PRTFDC1: variants seen among roughly 807,000 people sequenced by gnomAD.
PRTFDC1 encodes the protein phosphoribosyl transferase domain containing 1.
A neutral mutation model predicts 34.6 loss-of-function variants in PRTFDC1; 38 were observed. That is an observed-to-expected ratio of 1.10 (90% CI 0.85 to 1.44). The LOEUF is 1.44. Ranked by LOEUF, PRTFDC1 falls within the 40% of genes most tolerant of loss-of-function variation. PRTFDC1 has a pLI of 0.00. For synonymous variants in PRTFDC1, 93 were observed against 98.1 expected, an observed-to-expected ratio of 0.95 and a Z score of 0.31; for missense variants, 270 against 283.0, an observed-to-expected ratio of 0.95 and a Z score of 0.33.
intron 3 of PRTFDC1, among the ~76,000 whole-genome samples, chr10:24,895,688 G>GATATAT (rs762084915): frequency 0.048 from 2,279 of 47,120 alleles, 95 homozygotes; most frequent in Non-Finnish European, 0.06. Context: ...AGCTGGGGTG[G>GATATAT]ATATATATAT....
chr10:24,951,386 A>G (rs1022414785), intron 1 of PRTFDC1, among the ~76,000 whole-genome samples: 1 of 152,154 alleles, frequency 6.6e-6, no homozygotes, highest in Admixed American at 6.5e-5. Flanking sequence ...CAGAGCCTAC[A>G]GCACCTCCTA....
chr10:24,871,168 C>T (rs1005158674), intron 4 of PRTFDC1, among the ~76,000 whole-genome samples: 3 of 151,692 alleles, frequency 2.0e-5, no homozygotes, highest in South Asian at 4.2e-4. Flanking sequence ...TTTCCCTACC[C>T]GGGCATTGCA....
intron 3 of PRTFDC1, among the ~76,000 whole-genome samples, chr10:24,887,468 CCCT>C (rs1848189350): frequency 6.6e-6 from 1 of 151,984 alleles, no homozygotes; most frequent in Admixed American, 6.6e-5. Context: ...AGGGCTTCCC[CCCT>C]CTCCCTTCGC....
chr10:24,902,124 G>T (rs550315551), intron 3 of PRTFDC1, among the ~76,000 whole-genome samples: 2 of 152,316 alleles, frequency 1.3e-5, no homozygotes, highest in Non-Finnish European at 2.9e-5. Context: ...GAAACTGATG[G>T]CTCATAGCAA....
At chr10:24,950,334 A>C (rs1255371053) in intron 1 of PRTFDC1, among the ~76,000 whole-genome samples, 1 of 152,072 alleles carries the variant, frequency 6.6e-6, no homozygotes, top group Non-Finnish European at 1.5e-5. Flanking sequence ...TATTTGCATT[A>C]TACTTCCTGG....
intron 4 of PRTFDC1, among the ~76,000 whole-genome samples, chr10:24,867,345 C>T (rs1374500644): frequency 6.6e-6 from 1 of 152,198 alleles, no homozygotes; most frequent in Non-Finnish European, 1.5e-5. Flanking sequence ...AGTGCTCCTG[C>T]AGGCTCCGCC....
intron 3 of PRTFDC1, among the ~76,000 whole-genome samples, chr10:24,897,680 C>T (rs961605842): frequency 6.6e-6 from 1 of 152,108 alleles, no homozygotes. Flanking sequence ...TGAGGTGGCC[C>T]TTTTGGCCTA....
At chr10:24,918,848 G>T (rs1306667677) in intron 3 of PRTFDC1, among the ~76,000 whole-genome samples, 1 of 152,100 alleles carries the variant, frequency 6.6e-6, no homozygotes, top group Non-Finnish European at 1.5e-5. Flanking sequence ...ATAAAAATGA[G>T]TTCCTTGCCA....
At chr10:24,916,383 C>G (rs528120460) in intron 3 of PRTFDC1, among the ~76,000 whole-genome samples, 1 of 152,286 alleles carries the variant, frequency 6.6e-6, no homozygotes, top group African/African-American at 2.4e-5. Flanking sequence ...ACATTCTGCT[C>G]AAAACCCAGT....
chr10:24,917,972 C>G (rs769285305), intron 3 of PRTFDC1, among the ~76,000 whole-genome samples: 1 of 152,066 alleles, frequency 6.6e-6, no homozygotes. Context: ...GTTTTTGGTA[C>G]TTTTTTGGTT....
At chr10:24,934,731 C>T (rs1346951589) in intron 3 of PRTFDC1, among the ~76,000 whole-genome samples, 1 of 152,192 alleles carries the variant, frequency 6.6e-6, no homozygotes, top group Non-Finnish European at 1.5e-5. Flanking sequence ...TACATGTATT[C>T]ATTGATGACT....
chr10:24,912,080 C>A (rs1179304342), intron 3 of PRTFDC1, among the ~76,000 whole-genome samples: 1 of 151,442 alleles, frequency 6.6e-6, no homozygotes, highest in African/African-American at 2.4e-5. Flanking sequence ...ACCAGCTTGG[C>A]CAACAAGGCG....
chr10:24,924,318 C>G (rs1848838506), intron 3 of PRTFDC1, among the ~76,000 whole-genome samples: 1 of 152,174 alleles, frequency 6.6e-6, no homozygotes, highest in Admixed American at 6.5e-5. Flanking sequence ...CAAAGATACT[C>G]CTCGAGAAGA....
At chr10:24,887,835 CG>C (rs1848196273) in intron 3 of PRTFDC1, among the ~76,000 whole-genome samples, 2 of 152,188 alleles carry the variant, frequency 1.3e-5, no homozygotes. Context: ...ATGTAGCACC[CG>C]TTCAGGCAGC....
intron 3 of PRTFDC1, among the ~76,000 whole-genome samples, chr10:24,926,600 C>T (rs954629234): frequency 1.3e-5 from 2 of 152,324 alleles, no homozygotes; most frequent in South Asian, 4.1e-4. Flanking sequence ...CTGCCTGTCT[C>T]GGCCTCCCAA....
chr10:24,950,755 CTT>C (rs529629645), intron 1 of PRTFDC1, among the ~76,000 whole-genome samples: 36 of 152,216 alleles, frequency 2.4e-4, no homozygotes, highest in African/African-American at 8.7e-4. Context: ...CAGGCAGCCT[CTT>C]ATATTTGGGA....
At chr10:24,942,513 G>T in intron 1 of PRTFDC1, 77 bp from the exon 2 acceptor site, 1 of 1,178,734 alleles carries the variant, frequency 8.5e-7, no homozygotes, top group Non-Finnish European at 1.3e-6. Flanking sequence ...AGTATCACTT[G>T]AGAGGAGAAT....
Position 24,937,290 on chromosome 10 carries a change from C to A in PRTFDC1, c.233G>T (p.Gly78Val). ...DIMVLCVLKGGYKFCADLVEH... is the reference protein window; with the variant it reads ...DIMVLCVLKGVYKFCADLVEH... ...TACGAGATCAGCACAGAATTTGTAA[C>A]CTCCTTTAAGCACACACAGGACCAT... The change falls in exon 3 of 9, where the codon GGT becomes GTT. Residue 78 changes from glycine (G) to valine (V), a missense_variant. Physicochemically the swap from Gly to Val is moderately radical, Grantham distance 109. Transcript: ENST00000320152. 6.2e-7 allele frequency: 1 copy of A among 1,613,952 alleles called. No homozygotes were observed. The highest frequency in any genetic ancestry group is 8.5e-7 in the Non-Finnish European group (1 of 1,179,950).
intron 4 of PRTFDC1, 57 bp from the exon 5 acceptor site, chr10:24,858,466 C>T (rs1018942654): frequency 1.9e-6 from 3 of 1,564,036 alleles, no homozygotes; most frequent in Non-Finnish European, 2.6e-6. Context: ...TCACAGGATA[C>T]ATACACATTT....
Sources: allele counts gnomAD v4.1 joint callset (sites outside exome capture counted in the v4.1 genomes callset), GRCh38; gene constraint gnomAD v4.1.1; transcripts MANE v1.5; gene names NCBI Gene and HGNC (gene_info 2026-07-23, HGNC 2026-07-21).